Variants in OR56A1 observed in about 807,000 individuals in gnomAD.
OR56A1 encodes the protein olfactory receptor family 56 subfamily A member 1.
For missense variants in OR56A1, 360 were observed against 380.9 expected (o/e 0.94, Z 0.46); for synonymous variants, 174 against 159.1 (o/e 1.09, Z -0.70).
chr11:6,028,654 C>T (rs1006125884), intron 1 of OR56A1, among the ~76,000 whole-genome samples: 5 of 152,032 alleles, frequency 3.3e-5, no homozygotes, highest in Admixed American at 1.3e-4. Flanking sequence ...AGGATGCCAA[C>T]ATGTATAAGG....
upstream of OR56A1, among the ~76,000 whole-genome samples, chr11:6,033,834 T>C (rs1564817882): frequency 2.0e-5 from 3 of 152,334 alleles, no homozygotes; most frequent in East Asian, 5.8e-4. Context: ...GTTATATTTT[T>C]CTATTTTAAA....
At position 6,023,318 on chromosome 11, in the gene OR56A1, T is replaced by C. The variant is rs1340477955; in HGVS notation, c.*3430A>G. The C allele has an allele frequency of 6.6e-6, 1 of 152,202 alleles. No homozygotes were observed. Among genetic ancestry groups the C allele is most frequent in the Non-Finnish European group, 1.5e-5 (1 of 68,028 alleles). The allele number at this position is 152,202 out of a possible 1,614,324, so 9.4% of individuals were successfully genotyped here. ...ATATACACCAAAGCATAATAAAGTATCAGGATGGCTAGGCACTAAAAAGCT... is the reference window on the plus strand; with the variant it reads ...ATATACACCAAAGCATAATAAAGTACCAGGATGGCTAGGCACTAAAAAGCT... On this transcript the variant is annotated 3_prime_UTR_variant, in exon 2 of 2. Transcript: ENST00000641900.
chr11:6,030,367 C>T (rs1360086620), intron 1 of OR56A1, among the ~76,000 whole-genome samples: 3 of 149,322 alleles, frequency 2.0e-5, no homozygotes, highest in Non-Finnish European at 4.5e-5. Flanking sequence ...ACCATAAGTT[C>T]ATGAGGGAAG....
At chr11:6,032,576 G>A (rs1358042441), upstream of OR56A1, among the ~76,000 whole-genome samples, 1 of 152,150 alleles carries the variant, frequency 6.6e-6, no homozygotes, top group Non-Finnish European at 1.5e-5. Flanking sequence ...GAATGAGAAA[G>A]GAGAATTAAC....
upstream of OR56A1, among the ~76,000 whole-genome samples, chr11:6,033,080 TA>T (rs1848528084): frequency 6.6e-6 from 1 of 152,140 alleles, no homozygotes; most frequent in African/African-American, 2.4e-5. Flanking sequence ...TCAATCCTCC[TA>T]TCTGCTTCCA....
Position 6,026,837 on chromosome 11 carries a change from T to A in OR56A1, c.856A>T (p.Ile286Phe). Residue 286 changes from isoleucine to phenylalanine, a missense_variant, in exon 2 of 2, where the codon ATT becomes TTT. By Grantham distance (21) the Ile-to-Phe change is conservative. Coordinates refer to ENST00000641900, the MANE Select transcript of OR56A1 (RefSeq NM_001388488.1). ...ACAATAGGGTTCAATGCAGGAGGAA[T>A]AAGGTGATGAAGGACGTTCAGCAGG... The part of the protein sequence containing the change: ...LILLNVLHHL[I>F]PPALNPIVYG... 3.1e-6 allele frequency: 5 copies of A among 1,614,166 alleles called. No homozygotes were observed. The highest frequency in any genetic ancestry group is 4.2e-6 in the Non-Finnish European group (5 of 1,179,962).
rs1419468882 is a variant in OR56A1, at chr11:6,021,457, C to T, written c.*5291G>A. 1 of 151,778 alleles carries T rather than the reference C, an allele frequency of 6.6e-6. No individual in the cohort carries two copies. The highest frequency in any genetic ancestry group is 1.5e-5 in the Non-Finnish European group (1 of 67,900). 9.4% of individuals were successfully genotyped at this position (151,778 alleles called of 1,614,324 possible). On this transcript the variant is annotated 3_prime_UTR_variant, in exon 2 of 2. Coordinates refer to ENST00000641900, the MANE Select transcript of OR56A1 (RefSeq NM_001388488.1). ...TTGAGATGATGGATATGCTAATTAC[C>T]CTGATCTGCTCACTACACGTTGTAT...
chr11:6,028,383 C>T (rs1423244669), intron 1 of OR56A1, among the ~76,000 whole-genome samples: 1 of 151,690 alleles, frequency 6.6e-6, no homozygotes, highest in Admixed American at 6.6e-5. Flanking sequence ...ATAAATATTG[C>T]ACCCTACAAA....
chr11:6,030,400 T>C (rs905682127), intron 1 of OR56A1, among the ~76,000 whole-genome samples: 2 of 152,148 alleles, frequency 1.3e-5, no homozygotes, highest in African/African-American at 4.8e-5. Flanking sequence ...GTTTTTCTTT[T>C]ATCATCACTA....
At chr11:6,031,731 C>T (rs561061955), upstream of OR56A1, among the ~76,000 whole-genome samples, 1 of 152,078 alleles carries the variant, frequency 6.6e-6, no homozygotes, top group African/African-American at 2.4e-5. Context: ...TGTTTATAAT[C>T]GCCACACATA....
At chr11:6,032,312 T>C (rs12799982), upstream of OR56A1, among the ~76,000 whole-genome samples, 21,329 of 152,172 alleles carry the variant, frequency 0.14, 1,629 homozygotes, top group Middle Eastern at 0.18. Context: ...AGTAAGATAA[T>C]TGAGGTAGCT....
chr11:6,029,970 C>A (rs1031823259), intron 1 of OR56A1, among the ~76,000 whole-genome samples: 2 of 152,186 alleles, frequency 1.3e-5, no homozygotes, highest in African/African-American at 4.8e-5. Context: ...AAAACCTGGT[C>A]TTTTGCCAGC....
At chr11:6,029,560 A>G (rs1282068703) in intron 1 of OR56A1, among the ~76,000 whole-genome samples, 1 of 152,146 alleles carries the variant, frequency 6.6e-6, no homozygotes, top group East Asian at 1.9e-4. Flanking sequence ...GCTCTCAGAA[A>G]TCACCTACAG....
At chr11:6,028,799 G>C (rs1359134630) in intron 1 of OR56A1, among the ~76,000 whole-genome samples, 1 of 151,916 alleles carries the variant, frequency 6.6e-6, no homozygotes, top group Non-Finnish European at 1.5e-5. Flanking sequence ...CTACCTAAAA[G>C]AAAAGAAAAC....
At position 6,024,290 on chromosome 11, in the gene OR56A1, C is replaced by T. The variant is rs960252996; in HGVS notation, c.*2458G>A. 6.6e-6 allele frequency: 1 copy of T among 152,242 alleles called. No individual in the cohort carries two copies. Among genetic ancestry groups the T allele is most frequent in the Non-Finnish European group, 1.5e-5 (1 of 68,062 alleles). The allele number at this position is 152,242 out of a possible 1,614,324, so 9.4% of individuals were successfully genotyped here. A position where few individuals can be genotyped will look rare whatever the true frequency, so the allele number is the denominator to read the frequency against. ...CTCCATCCTTTACAAATCCCTACAA[C>T]AAAGTTGGTAGTTTCTATCCCTATG... On this transcript the variant is annotated 3_prime_UTR_variant, in exon 2 of 2. Coordinates refer to ENST00000641900, the MANE Select transcript of OR56A1 (RefSeq NM_001388488.1).
rs1216708326 is a variant in OR56A1, at chr11:6,027,314, C to T, written c.379G>A (p.Val127Met). 2.5e-6 allele frequency: 4 copies of T among 1,614,084 alleles called. No individual in the cohort carries two copies. The highest frequency in any genetic ancestry group is 1.3e-5 in the African/African-American group (1 of 74,928). ...TACCGCAGTGGGTGGCAGATGGCCACATAACGGTCATAGGCCATGACCATA... is the reference window on the plus strand; with the variant it reads ...TACCGCAGTGGGTGGCAGATGGCCATATAACGGTCATAGGCCATGACCATA... The part of the protein sequence containing the change: ...TFMVMAYDRY[V>M]AICHPLRYPS... Residue 127 changes from valine (V) to methionine (M), a missense_variant, in exon 2 of 2, where the codon GTG (valine) becomes ATG (methionine). Transcript: ENST00000641900.
At position 6,019,540 on chromosome 11, in the gene OR56A1, C is replaced by G. The variant is rs910199589; in HGVS notation, c.*7208G>C. On this transcript the variant is annotated 3_prime_UTR_variant, in exon 2 of 2. Coordinates refer to ENST00000641900, the MANE Select transcript of OR56A1 (RefSeq NM_001388488.1). Reference sequence around the variant, plus strand: ...GCAGAAGACAAGAAGGAGCAACTTACATCTTGCATGGGTGGTGGGAGGAAA... The same window carrying G: ...GCAGAAGACAAGAAGGAGCAACTTAGATCTTGCATGGGTGGTGGGAGGAAA... 6.6e-6 allele frequency: 1 copy of G among 152,190 alleles called. No individual in the cohort carries two copies. The highest frequency in any genetic ancestry group is 2.4e-5 in the African/African-American group (1 of 41,424). The allele number at this position is 152,190 out of a possible 1,614,324, so 9.4% of individuals were successfully genotyped here. A position where few individuals can be genotyped will look rare whatever the true frequency, so the allele number is the denominator to read the frequency against.
rs1187783094 is a variant in OR56A1 at position 6,021,123 on chromosome 11, A to G, written c.*5625T>C. Reference sequence around the variant, plus strand: ...ATAGAAAAGAAAAGTAATGGAAATTATGCCTAAGAAAATCCTTTGAGTGTG... The same window carrying G: ...ATAGAAAAGAAAAGTAATGGAAATTGTGCCTAAGAAAATCCTTTGAGTGTG... On this transcript the variant is annotated 3_prime_UTR_variant, in exon 2 of 2. Coordinates refer to ENST00000641900, the MANE Select transcript of OR56A1 (RefSeq NM_001388488.1). 1.1e-4 allele frequency: 16 copies of G among 152,110 alleles called. No individual in the cohort carries two copies. The highest frequency in any genetic ancestry group is 2.4e-4 in the Non-Finnish European group (16 of 67,960). 9.4% of individuals were successfully genotyped at this position (152,110 alleles called of 1,614,324 possible).
upstream of OR56A1, among the ~76,000 whole-genome samples, chr11:6,033,025 CAT>C (rs769129670): frequency 2.4e-4 from 37 of 152,222 alleles, no homozygotes; most frequent in Non-Finnish European, 4.4e-4. Context: ...CATTGTTTGA[CAT>C]AATCTTCATA....
Sources: allele counts gnomAD v4.1 joint callset (sites outside exome capture counted in the v4.1 genomes callset), GRCh38; gene constraint gnomAD v4.1.1; transcripts MANE v1.5; gene names NCBI Gene and HGNC (gene_info 2026-07-23, HGNC 2026-07-21).